SOBP: variants seen among roughly 807,000 people sequenced by gnomAD.
SOBP encodes the protein sine oculis binding protein homolog, also known as sine oculis-binding protein homolog.
SOBP carries 4 observed loss-of-function variants against 53.6 expected under a neutral mutation model. The ratio of observed to expected loss-of-function variants is 0.07; its 90% CI spans 0.04 to 0.17. SOBP has a LOEUF of 0.17. SOBP is among the 10% of genes least tolerant of loss of function. The pLI is 1.00. For synonymous variants in SOBP, 584 were observed against 522.6 expected, an observed-to-expected ratio of 1.12 and a Z score of -1.60; for missense variants, 1,088 against 1,204.7, an observed-to-expected ratio of 0.90 and a Z score of 1.43.
At chr6:107,613,970 G>A (rs994184336) in intron 5 of SOBP, among the ~76,000 whole-genome samples, 4 of 152,226 alleles carry the variant, frequency 2.6e-5, no homozygotes, top group Non-Finnish European at 5.9e-5. Context: ...TAATCTGCAA[G>A]CTCAGCTCTA....
chr6:107,565,826 C>G (rs376116384), intron 4 of SOBP, among the ~76,000 whole-genome samples: 35 of 152,154 alleles, frequency 2.3e-4, no homozygotes, highest in East Asian at 9.6e-4. Flanking sequence ...ATGGGAAATA[C>G]AAAAGGAAAT....
At chr6:107,502,171 A>G (rs1782858323) in intron 1 of SOBP, among the ~76,000 whole-genome samples, 1 of 152,192 alleles carries the variant, frequency 6.6e-6, no homozygotes, top group South Asian at 2.1e-4. Flanking sequence ...TAAAGTCGTG[A>G]AATTCAAGAA....
chr6:107,654,320 G>A (rs987378649), intron 6 of SOBP, among the ~76,000 whole-genome samples: 3 of 152,146 alleles, frequency 2.0e-5, no homozygotes, highest in African/African-American at 7.2e-5. Flanking sequence ...ATGTAGCAGG[G>A]GTGGGTTATC....
intron 6 of SOBP, among the ~76,000 whole-genome samples, chr6:107,645,217 G>A (rs1388756418): frequency 2.0e-5 from 3 of 152,024 alleles, no homozygotes; most frequent in African/African-American, 7.3e-5. Flanking sequence ...CCTATTTTTG[G>A]ATTTTATAAA....
chr6:107,590,023 C>T (rs1785693998), intron 5 of SOBP, among the ~76,000 whole-genome samples: 1 of 152,156 alleles, frequency 6.6e-6, no homozygotes, highest in Non-Finnish European at 1.5e-5. Context: ...TGAGACTAGC[C>T]CAAGTCCATT....
chr6:107,589,489 A>G (rs1048562621), intron 5 of SOBP, among the ~76,000 whole-genome samples: 1 of 152,238 alleles, frequency 6.6e-6, no homozygotes, highest in Non-Finnish European at 1.5e-5. Context: ...CGATGCCCGG[A>G]ATACACAAGT....
At chr6:107,619,618 G>T (rs1226736759) in intron 5 of SOBP, among the ~76,000 whole-genome samples, 2 of 152,058 alleles carry the variant, frequency 1.3e-5, no homozygotes, top group Non-Finnish European at 2.9e-5. Context: ...GGGGCAGTTG[G>T]AATGGGTTTA....
At chr6:107,643,303 C>T (rs943140379) in intron 6 of SOBP, among the ~76,000 whole-genome samples, 25 of 152,052 alleles carry the variant, frequency 1.6e-4, no homozygotes, top group African/African-American at 4.8e-4. Context: ...ATTTTAAACC[C>T]GTATTTAGAG....
Position 107,634,229 on chromosome 6 carries a change from C to A in SOBP, c.1385C>A (p.Pro462His), listed in dbSNP as rs1248458178. The A allele has an allele frequency of 1.3e-6, 2 of 1,587,304 alleles. No homozygotes were observed. Among genetic ancestry groups the A allele is most frequent in the Non-Finnish European group, 1.7e-6 (2 of 1,170,824 alleles). Residue 462 changes from proline (P) to histidine (H), a missense_variant, in exon 6 of 7, where the codon CCC becomes CAC. By Grantham distance (77) the Pro-to-His change is moderately conservative. Transcript: ENST00000317357. The surrounding 1 kb of genome is among the most constrained non-coding windows in gnomAD (Gnocchi z 4.5). ...HRPMLSPHIH[P>H]PSTPTMPGNP... is the part of the protein sequence containing the mutation. ...CCCATGCTATCGCCCCACATCCACC[C>A]CCCGAGCACCCCCACCATGCCCGGG...
chr6:107,586,926 AC>A (rs1338937733), intron 4 of SOBP, among the ~76,000 whole-genome samples, 153 bp from the exon 5 acceptor site: 7 of 152,334 alleles, frequency 4.6e-5, no homozygotes, highest in Non-Finnish European at 8.8e-5. Flanking sequence ...AAATTTTGAT[AC>A]CTAAAAGGCG....
chr6:107,538,982 A>G lies in SOBP; in HGVS notation c.573+5372A>G, dbSNP rs1021233345. Among the ~76,000 whole-genome samples, 5 of 152,198 alleles carry G rather than the reference A, an allele frequency of 3.3e-5. 1 individual carries two copies. The highest frequency in any genetic ancestry group is 2.0e-4 in the Admixed American group (3 of 15,286). On this transcript the variant is annotated intron_variant, in intron 4 of 6. Coordinates refer to ENST00000317357, the MANE Select transcript of SOBP (RefSeq NM_018013.4). Reference sequence around the variant, plus strand: ...GACACACAGGCTCTTGAGGAGAGCTAGAAAGTGTTCCAAGGCAGAGGTTCT... The same window carrying G: ...GACACACAGGCTCTTGAGGAGAGCTGGAAAGTGTTCCAAGGCAGAGGTTCT...
chr6:107,582,032 G>A (rs1354790449), intron 4 of SOBP, among the ~76,000 whole-genome samples: 2 of 152,204 alleles, frequency 1.3e-5, no homozygotes, highest in Non-Finnish European at 2.9e-5. Flanking sequence ...GAAATCCTGA[G>A]ATCACAATGA....
intron 5 of SOBP, among the ~76,000 whole-genome samples, chr6:107,607,931 C>A (rs2115096261): frequency 6.6e-6 from 1 of 152,212 alleles, no homozygotes; most frequent in East Asian, 1.9e-4. Context: ...TGGTTTGTAG[C>A]CATGAATGTG....
chr6:107,597,242 G>A (rs1370666028), intron 5 of SOBP, among the ~76,000 whole-genome samples: 1 of 152,136 alleles, frequency 6.6e-6, no homozygotes, highest in African/African-American at 2.4e-5. Context: ...AATATTTGGG[G>A]CCCTTCATTA....
At chr6:107,594,174 G>A (rs1785857866) in intron 5 of SOBP, among the ~76,000 whole-genome samples, 1 of 152,116 alleles carries the variant, frequency 6.6e-6, no homozygotes. Flanking sequence ...TCTGCGTCCT[G>A]GTGTGTGAAA....
At chr6:107,608,416 T>G (rs1562097630) in intron 5 of SOBP, among the ~76,000 whole-genome samples, 1 of 152,216 alleles carries the variant, frequency 6.6e-6, no homozygotes, top group Non-Finnish European at 1.5e-5. Context: ...CTTTCTGAGA[T>G]GATGTCTTTT....
At chr6:107,594,358 C>A (rs1785864861) in intron 5 of SOBP, among the ~76,000 whole-genome samples, 1 of 152,056 alleles carries the variant, frequency 6.6e-6, no homozygotes, top group African/African-American at 2.4e-5. Flanking sequence ...TACTACTTGA[C>A]CAAATTTACT....
chr6:107,520,194 GA>G (rs1235713425), intron 3 of SOBP, among the ~76,000 whole-genome samples: 3 of 152,164 alleles, frequency 2.0e-5, no homozygotes, highest in Non-Finnish European at 4.4e-5. Flanking sequence ...TACACAGAAG[GA>G]GGAGAAACAA....
chr6:107,508,956 C>A (rs1371464520), intron 3 of SOBP, among the ~76,000 whole-genome samples: 1 of 152,172 alleles, frequency 6.6e-6, no homozygotes, highest in East Asian at 1.9e-4. Flanking sequence ...CAGATTCAGA[C>A]AGATTGGGTT....
Sources: allele counts gnomAD v4.1 joint callset (sites outside exome capture counted in the v4.1 genomes callset), GRCh38; gene constraint gnomAD v4.1.1; non-coding constraint Gnocchi (gnomAD v3.1); transcripts MANE v1.5; gene names NCBI Gene and HGNC (gene_info 2026-07-23, HGNC 2026-07-21).